Variants in MALRD1 observed in about 807,000 individuals in gnomAD.
MALRD1 encodes the protein MAM and LDL receptor class A domain containing 1, also known as MAM and LDL-receptor class A domain-containing protein 1.
In MALRD1, 247 loss-of-function variants were observed where a neutral mutation model predicts 242.1. The ratio of observed to expected loss-of-function variants is 1.02; its 90% CI spans 0.92 to 1.13. MALRD1 has a LOEUF of 1.13. Ranked by LOEUF, MALRD1 falls within the 50% of genes most tolerant of loss-of-function variation. The pLI is 0.00. For missense variants in MALRD1, 2,989 were observed against 2,533.1 expected, an observed-to-expected ratio of 1.18 and a Z score of -3.86; for synonymous variants, 995 against 866.6, an observed-to-expected ratio of 1.15 and a Z score of -2.60.
intron 36 of MALRD1, among the ~76,000 whole-genome samples, chr10:19,637,946 C>CA (rs1840212031): frequency 6.6e-6 from 1 of 151,426 alleles, no homozygotes. Flanking sequence ...ACTAAAAATA[C>CA]AAAAATTAGC....
chr10:19,401,185 T>C (rs2130853624), intron 28 of MALRD1, among the ~76,000 whole-genome samples: 1 of 152,230 alleles, frequency 6.6e-6, no homozygotes, highest in East Asian at 1.9e-4. Flanking sequence ...AAATAAGCAT[T>C]TATTCTACCC....
At chr10:19,660,559 A>T in intron 36 of MALRD1, among the ~76,000 whole-genome samples, 1 of 152,166 alleles carries the variant, frequency 6.6e-6, no homozygotes, top group East Asian at 1.9e-4. Flanking sequence ...AGAGTACCTT[A>T]TGCACTACCT....
chr10:19,580,843 T>C (rs1442690463), intron 33 of MALRD1, among the ~76,000 whole-genome samples: 2 of 152,142 alleles, frequency 1.3e-5, no homozygotes, highest in African/African-American at 4.8e-5. Context: ...CATTTGGTCA[T>C]GGCCAAACAA....
chr10:19,597,572 C>A (rs1245372332), intron 34 of MALRD1, among the ~76,000 whole-genome samples: 1 of 152,172 alleles, frequency 6.6e-6, no homozygotes, highest in Admixed American at 6.6e-5. Context: ...TTTGTAAACT[C>A]ACATTCATTC....
chr10:19,634,589 A>C (rs1232799625), intron 36 of MALRD1, among the ~76,000 whole-genome samples: 1 of 152,152 alleles, frequency 6.6e-6, no homozygotes, highest in Non-Finnish European at 1.5e-5. Flanking sequence ...GGAGACTTAG[A>C]TCTTCAGCTC....
chr10:19,328,256 T>G (rs1843218438), intron 23 of MALRD1, among the ~76,000 whole-genome samples: 1 of 152,140 alleles, frequency 6.6e-6, no homozygotes, highest in Non-Finnish European at 1.5e-5. Flanking sequence ...CTGAAATGTT[T>G]GGCACAAAGC....
At chr10:19,059,191 A>G (rs893609735) in intron 1 of MALRD1, among the ~76,000 whole-genome samples, 5 of 152,186 alleles carry the variant, frequency 3.3e-5, no homozygotes, top group African/African-American at 1.2e-4. Context: ...TAGAAATGAG[A>G]AAGTGCTCAT....
Position 19,677,374 on chromosome 10 carries a change from A to G in MALRD1, c.6138-14908A>G, listed in dbSNP as rs145843465. Among the ~76,000 whole-genome samples, 83 of 152,222 alleles carry G rather than the reference A, an allele frequency of 5.5e-4. No individual in the cohort carries two copies. The East Asian group carries it at 0.014, about 26-fold the overall frequency. On this transcript the variant is annotated intron_variant, in intron 36 of 39. Transcript: ENST00000454679. ...TCCATTCTGACTGCTGTGAGATGGT[A>G]TCTCATTGTGGTTTTGATTTGCATT...
chr10:19,716,515 C>T (rs1286515135), intron 38 of MALRD1, among the ~76,000 whole-genome samples: 2 of 152,198 alleles, frequency 1.3e-5, no homozygotes, highest in East Asian at 1.9e-4. Context: ...ACTATGCTTC[C>T]TGTATAGCCT....
chr10:19,419,179 A>G (rs1833623735), intron 28 of MALRD1, among the ~76,000 whole-genome samples: 1 of 152,106 alleles, frequency 6.6e-6, no homozygotes, highest in Admixed American at 6.6e-5. Flanking sequence ...CCCTTAACTC[A>G]TGATCCTTTA....
chr10:19,056,403 A>G (rs927399990), intron 1 of MALRD1, among the ~76,000 whole-genome samples: 4 of 150,552 alleles, frequency 2.7e-5, no homozygotes, highest in African/African-American at 7.3e-5. Context: ...CAGATATTTC[A>G]CCTTGTTAAT....
At chr10:19,097,107 A>T (rs1836067437) in intron 4 of MALRD1, among the ~76,000 whole-genome samples, 1 of 152,206 alleles carries the variant, frequency 6.6e-6, no homozygotes, top group South Asian at 2.1e-4. Flanking sequence ...CACTATGTTT[A>T]CTTCTTTGGA....
At chr10:19,686,412 C>T (rs1459017317) in intron 36 of MALRD1, among the ~76,000 whole-genome samples, 2 of 152,256 alleles carry the variant, frequency 1.3e-5, no homozygotes, top group African/African-American at 4.8e-5. Context: ...TCGAGGCGTT[C>T]TTCCCTTACC....
At chr10:19,309,446 C>A (rs1842341645) in intron 21 of MALRD1, among the ~76,000 whole-genome samples, 1 of 151,438 alleles carries the variant, frequency 6.6e-6, no homozygotes, top group African/African-American at 2.4e-5. Flanking sequence ...ATATAGGGTT[C>A]TCTACAGTAT....
At chr10:19,277,882 T>C (rs181435250) in intron 19 of MALRD1, among the ~76,000 whole-genome samples, 1 of 152,292 alleles carries the variant, frequency 6.6e-6, no homozygotes, top group African/African-American at 2.4e-5. Flanking sequence ...CTTTAAACCA[T>C]CTCTGTTTTG....
rs549984421 is a variant in MALRD1 at position 19,411,010 on chromosome 10, G to GA, written c.4845+21406dup. 2.9e-3 allele frequency among the ~76,000 whole-genome samples: 442 copies of GA among 152,006 alleles called. 2 individuals carry two copies. Among genetic ancestry groups the GA allele is most frequent in the African/African-American group, 0.01 (416 of 41,480 alleles). ...TAAATGTGCTATAATTTCTTTTTCA[G>GA]AAAAATATTTTCACCAAATGCAGGA... On this transcript the variant is annotated intron_variant, in intron 28 of 39. Coordinates refer to ENST00000454679, the MANE Select transcript of MALRD1 (RefSeq NM_001142308.3).
Position 19,176,366 on chromosome 10 carries a change from C to CTTTTTTTTTTTT in MALRD1, c.1951+1046_1951+1057dup, listed in dbSNP as rs11443184. On this transcript the variant is annotated intron_variant, in intron 14 of 39. Coordinates refer to ENST00000454679, the MANE Select transcript of MALRD1 (RefSeq NM_001142308.3). ...TCGAGAGAGTGTATATTTCTGGGTGCTTTTTTTTTTTTTTTTTTTGAGACG... is the reference window on the plus strand; with the variant it reads ...TCGAGAGAGTGTATATTTCTGGGTGCTTTTTTTTTTTTTTTTTTTTTTTTTTTTTTTGAGACG... Among the ~76,000 whole-genome samples, 37 of 87,302 alleles carry CTTTTTTTTTTTT rather than the reference C, an allele frequency of 4.2e-4. 5 individuals are homozygous for CTTTTTTTTTTTT. Among genetic ancestry groups the CTTTTTTTTTTTT allele is most frequent in the East Asian group, 9.6e-4 (3 of 3,116 alleles). 57.3% of individuals were successfully genotyped at this position (87,302 alleles called of 152,430 possible).
chr10:19,450,216 C>A, intron 28 of MALRD1, 91 bp from the exon 29 acceptor site: 2 of 1,087,144 alleles, frequency 1.8e-6, no homozygotes, highest in Non-Finnish European at 2.6e-6. Context: ...TGGTCAAATG[C>A]TTCTGAGATA....
chr10:19,472,411 C>T (rs966688350), intron 29 of MALRD1, among the ~76,000 whole-genome samples: 2 of 151,942 alleles, frequency 1.3e-5, no homozygotes, highest in Admixed American at 6.6e-5. Context: ...ATGGAGGTCT[C>T]GTAAATGAAC....
Sources: gnomAD v4.1 joint callset for allele counts (sites outside exome capture counted in the v4.1 genomes callset) on GRCh38, gnomAD v4.1.1 for gene constraint, MANE v1.5 for transcripts, NCBI Gene and HGNC (gene_info 2026-07-23, HGNC 2026-07-21) for gene names.